INTS6L: variants seen among roughly 807,000 people sequenced by gnomAD.
The protein encoded by INTS6L is integrator complex subunit 6-like.
INTS6L carries 18 observed loss-of-function variants against 64.7 expected under a neutral mutation model. That is an observed-to-expected ratio of 0.28 (90% CI 0.19 to 0.41). The LOEUF is 0.41. INTS6L is among the 10% of genes least tolerant of loss of function. The pLI, the probability that INTS6L is intolerant of heterozygous loss-of-function variation, is 1.00. For missense variants in INTS6L, 533 were observed against 661.0 expected (o/e 0.81, Z 2.12); for synonymous variants, 227 against 235.9 (o/e 0.96, Z 0.34).
chrX:135,531,122 T>C (rs1376553793), intron 2 of INTS6L, among the ~76,000 whole-genome samples: 1 of 112,190 alleles, frequency 8.9e-6, no homozygotes, highest in Admixed American at 9.4e-5. Context: ...TTTATTAAGG[T>C]CTTAAGATTT....
At chrX:135,575,796 GTGTGTGTGTGTGTA>G (rs1337670419) in intron 14 of INTS6L, among the ~76,000 whole-genome samples, 1 of 108,983 alleles carries the variant, frequency 9.2e-6, no homozygotes, top group Non-Finnish European at 1.9e-5. Context: ...GTGTGTGTGT[GTGTGTGTGTGTGTA>G]TGTGTGTGTG....
chrX:135,547,850 AGG>A (rs2086395581), intron 6 of INTS6L, among the ~76,000 whole-genome samples: 1 of 111,342 alleles, frequency 9.0e-6, no homozygotes, highest in African/African-American at 3.3e-5. Flanking sequence ...ACTTTTGCAT[AGG>A]GGAAGTTAAA....
chrX:135,528,137 C>T (rs1156415940), intron 2 of INTS6L, among the ~76,000 whole-genome samples: 5 of 111,006 alleles, frequency 4.5e-5, no homozygotes, highest in African/African-American at 1.3e-4. Context: ...GGCCTCCTCC[C>T]GGTTGCCTTT....
intron 6 of INTS6L, 98 bp from the exon 7 acceptor site, chrX:135,549,544 T>C: frequency 1.1e-6 from 1 of 940,767 alleles, no homozygotes; most frequent in Non-Finnish European, 1.5e-6. Context: ...GTTCTTGTTT[T>C]ATTTTGGACT....
At chrX:135,568,312 A>G (rs1198976656) in intron 9 of INTS6L, among the ~76,000 whole-genome samples, 2 of 111,067 alleles carry the variant, frequency 1.8e-5, no homozygotes, top group African/African-American at 6.5e-5. Context: ...AAATATTTTT[A>G]GTACATGGTA....
chrX:135,539,865 T>G (rs1380360312), intron 2 of INTS6L, among the ~76,000 whole-genome samples: 6 of 111,422 alleles, frequency 5.4e-5, no homozygotes, highest in African/African-American at 3.3e-5. Flanking sequence ...ATTTATCGAT[T>G]AAGTTCACTG....
At chrX:135,540,748 CCCTCCTCCT>C (rs1556512235) in intron 2 of INTS6L, among the ~76,000 whole-genome samples, 15 of 106,148 alleles carry the variant, frequency 1.4e-4, no homozygotes, top group Non-Finnish European at 2.7e-4. Flanking sequence ...CTCTTCCTCC[CCCTCCTCCT>C]CCCACCCCCT....
intron 15 of INTS6L, among the ~76,000 whole-genome samples, chrX:135,578,841 T>C (rs925023782): frequency 2.7e-5 from 3 of 111,569 alleles, no homozygotes; most frequent in Non-Finnish European, 5.7e-5. Flanking sequence ...ACATACTCTC[T>C]AACCCTGTGG....
Position 135,538,924 on chromosome X carries a change from C to T in INTS6L, c.190-6499C>T, listed in dbSNP as rs188406175. On this transcript the variant is annotated intron_variant, in intron 2 of 17. Transcript: ENST00000639893. Reference sequence around the variant, plus strand: ...GTCTCAAAAGAGGGCTTAAAATATTCGGTAAACCATGCTGTAAACAGATGT... The same window carrying T: ...GTCTCAAAAGAGGGCTTAAAATATTTGGTAAACCATGCTGTAAACAGATGT... 3.7e-3 allele frequency among the ~76,000 whole-genome samples: 418 copies of T among 111,971 alleles called. 2 individuals carry two copies. The highest frequency in any genetic ancestry group is 0.013 in the African/African-American group (397 of 30,841).
In INTS6L at chrX:135,577,184, G is replaced by A. The variant is rs2087251582; in HGVS notation, c.1885-9G>A. ...TTTAATGAAATACGTTCATTTATGTGTTTTTTAGGGAATGATGATTGATGA... is the reference window on the plus strand; with the variant it reads ...TTTAATGAAATACGTTCATTTATGTATTTTTTAGGGAATGATGATTGATGA... On this transcript the variant is annotated splice_polypyrimidine_tract_variant and intron_variant, in intron 14 of 17. Coordinates refer to ENST00000639893, the MANE Select transcript of INTS6L (RefSeq NM_001351601.3). 8.3e-7 allele frequency: 1 copy of A among 1,207,975 alleles called. No individual in the cohort carries two copies. The highest frequency in any genetic ancestry group is 1.7e-5 in the African/African-American group (1 of 57,645).
chrX:135,554,759 T>C (rs961078404), intron 8 of INTS6L, among the ~76,000 whole-genome samples: 2 of 109,899 alleles, frequency 1.8e-5, no homozygotes, highest in Non-Finnish European at 3.8e-5. Context: ...GTACAACATA[T>C]CAACTGTAAG....
intron 9 of INTS6L, among the ~76,000 whole-genome samples, chrX:135,567,571 G>C (rs781976907): frequency 8.9e-6 from 1 of 112,138 alleles, no homozygotes; most frequent in South Asian, 3.7e-4. Flanking sequence ...ACTTGGCATT[G>C]TTAGAAATGC....
At chrX:135,566,763 A>G (rs2086961954) in intron 9 of INTS6L, among the ~76,000 whole-genome samples, 1 of 112,273 alleles carries the variant, frequency 8.9e-6, no homozygotes, top group African/African-American at 3.2e-5. Flanking sequence ...TTGAGACCTA[A>G]TAACTGCAGA....
intron 9 of INTS6L, among the ~76,000 whole-genome samples, chrX:135,559,046 GT>G (rs2086715962): frequency 9.0e-6 from 1 of 111,295 alleles, no homozygotes; most frequent in African/African-American, 3.3e-5. Context: ...GCCTCCTAAA[GT>G]GCTGGGATTG....
intron 8 of INTS6L, among the ~76,000 whole-genome samples, chrX:135,553,481 ATTTTTT>A (rs1162273649): frequency 5.0e-5 from 4 of 80,780 alleles, no homozygotes; most frequent in East Asian, 3.7e-4. Flanking sequence ...AATTTTTTAA[ATTTTTT>A]TTTTTTTTTT....
rs1556535163 is a variant in INTS6L, at chrX:135,582,443, A to G, written c.*807A>G. On this transcript the variant is annotated 3_prime_UTR_variant, in exon 18 of 18. Transcript: ENST00000639893. ...ATGTTTGTATGAATTTGCAAAAATT[A>G]AAGTGTACAAAGAGATTTTGATTTT... 1.8e-5 allele frequency: 2 copies of G among 112,757 alleles called. No individual in the cohort carries two copies. The allele number at this position is 112,757 out of a possible 1,213,427, so 9.3% of individuals were successfully genotyped here. A position where few individuals can be genotyped will look rare whatever the true frequency, so the allele number is the denominator to read the frequency against.
At chrX:135,569,584 G>T (rs2087043089) in intron 10 of INTS6L, 153 bp downstream of exon 10, 1 of 315,490 alleles carries the variant, frequency 3.2e-6, no homozygotes, top group African/African-American at 2.7e-5. Context: ...CAAATCATGT[G>T]TAAGAGTTTG....
At chrX:135,558,214 G>T (rs1324240835) in intron 9 of INTS6L, among the ~76,000 whole-genome samples, 2 of 111,815 alleles carry the variant, frequency 1.8e-5, no homozygotes, top group African/African-American at 6.5e-5. Flanking sequence ...ATGTAAAATG[G>T]TGTAACCAGT....
chrX:135,572,965 A>C lies in INTS6L; in HGVS notation c.1549A>C (p.Thr517Pro). 3.3e-6 allele frequency: 4 copies of C among 1,211,729 alleles called. No homozygotes were observed. Among genetic ancestry groups the C allele is most frequent in the Non-Finnish European group, 4.5e-6 (4 of 895,411 alleles). ...ACTATTGAAAGAAATCACAGGGGAA[A>C]CTGCACTTAGACTGACAGAATTGAA... ...RKLLKEITGE[T>P]ALRLTELNTK... Residue 517 changes from threonine (T) to proline (P), a missense_variant, in exon 12 of 18, where the codon ACT becomes CCT. Thr to Pro is a conservative substitution (Grantham distance 38, BLOSUM62 -1). Coordinates refer to ENST00000639893, the MANE Select transcript of INTS6L (RefSeq NM_001351601.3).
Sources: allele counts gnomAD v4.1 joint callset (sites outside exome capture counted in the v4.1 genomes callset), GRCh38; gene constraint gnomAD v4.1.1; transcripts MANE v1.5; gene names NCBI Gene and HGNC (gene_info 2026-07-23, HGNC 2026-07-21).